Variants in MECOM observed in about 807,000 individuals in gnomAD.
MECOM encodes MDS1 and EVI1 complex locus, also known as histone-lysine N-methyltransferase MECOM.
MECOM carries 13 observed loss-of-function variants against 116.3 expected under a neutral mutation model. The observed-to-expected ratio is 0.11, with a 90% CI of 0.07 to 0.18. The LOEUF is 0.18. Ranked by LOEUF, MECOM falls within the 10% of genes least tolerant of loss-of-function variation. MECOM has a pLI of 1.00. For synonymous variants in MECOM, 528 were observed against 535.2 expected, an observed-to-expected ratio of 0.99 and a Z score of 0.19; for missense variants, 1,299 against 1,509.0, an observed-to-expected ratio of 0.86 and a Z score of 2.31.
chr3:169,117,751 G>A (rs1577014094), intron 7 of MECOM, among the ~76,000 whole-genome samples: 1 of 152,154 alleles, frequency 6.6e-6, no homozygotes, highest in African/African-American at 2.4e-5. Context: ...TCACACATGT[G>A]CCACTATAGC....
intron 2 of MECOM, among the ~76,000 whole-genome samples, chr3:169,184,767 A>T (rs1399161227): frequency 6.6e-6 from 1 of 152,156 alleles, no homozygotes; most frequent in East Asian, 1.9e-4. Context: ...CTCAGGTTTG[A>T]TGGTTAAAAA....
intron 1 of MECOM, among the ~76,000 whole-genome samples, chr3:169,658,892 G>T (rs1353265627): frequency 3.3e-5 from 5 of 152,094 alleles, no homozygotes; most frequent in African/African-American, 9.7e-5. Flanking sequence ...CGAGCCGGGC[G>T]TGCCGGGGGC....
At chr3:169,487,381 G>A (rs900310778) in intron 1 of MECOM, among the ~76,000 whole-genome samples, 12 of 151,918 alleles carry the variant, frequency 7.9e-5, no homozygotes, top group Non-Finnish European at 1.6e-4. Context: ...GTAAACTGGG[G>A]GCAGGGGAGG....
intron 1 of MECOM, among the ~76,000 whole-genome samples, chr3:169,391,739 A>T (rs1734226570): frequency 6.6e-6 from 1 of 152,208 alleles, no homozygotes; most frequent in Non-Finnish European, 1.5e-5. Context: ...TAGGTATTTA[A>T]GGGAATGATA....
intron 14 of MECOM, among the ~76,000 whole-genome samples, chr3:169,092,560 G>A (rs1045550137): frequency 2.6e-5 from 4 of 151,768 alleles, no homozygotes; most frequent in Non-Finnish European, 4.4e-5. Flanking sequence ...TCCCTGTGAC[G>A]GCTTTCTCTT....
intron 1 of MECOM, among the ~76,000 whole-genome samples, chr3:169,501,770 A>T (rs1230415955): frequency 6.6e-6 from 1 of 152,134 alleles, no homozygotes; most frequent in Non-Finnish European, 1.5e-5. Flanking sequence ...ATCCTCAAGT[A>T]GAGAATGAAT....
intron 2 of MECOM, among the ~76,000 whole-genome samples, chr3:169,337,470 C>T (rs1577762188): frequency 1.3e-5 from 2 of 152,130 alleles, no homozygotes; most frequent in Admixed American, 6.6e-5. Context: ...ATACCAACCT[C>T]CATCTTTTTA....
At chr3:169,510,244 C>T (rs1210795669) in intron 1 of MECOM, among the ~76,000 whole-genome samples, 3 of 152,168 alleles carry the variant, frequency 2.0e-5, no homozygotes, top group Non-Finnish European at 1.5e-5. Context: ...TGTGAAGGGT[C>T]GGGGGCAGGG....
chr3:169,196,680 T>G (rs1054544863), intron 2 of MECOM, among the ~76,000 whole-genome samples: 2 of 152,150 alleles, frequency 1.3e-5, no homozygotes, highest in African/African-American at 4.8e-5. Flanking sequence ...CTGGCAAGGT[T>G]GCAGAGAAAA....
intron 1 of MECOM, among the ~76,000 whole-genome samples, chr3:169,386,858 T>C (rs919900358): frequency 3.9e-5 from 6 of 152,190 alleles, no homozygotes; most frequent in African/African-American, 1.2e-4. Context: ...TTGTTTTTAA[T>C]AAAGAAAATT....
At chr3:169,454,057 C>T (rs1409484403) in intron 1 of MECOM, among the ~76,000 whole-genome samples, 1 of 152,070 alleles carries the variant, frequency 6.6e-6, no homozygotes, top group Non-Finnish European at 1.5e-5. Context: ...TCACCCATTT[C>T]GATTCTACAA....
At chr3:169,479,743 A>T (rs1751013331) in intron 1 of MECOM, among the ~76,000 whole-genome samples, 1 of 151,720 alleles carries the variant, frequency 6.6e-6, no homozygotes, top group Admixed American at 6.6e-5. Flanking sequence ...ACTAAAACTC[A>T]TGCCTAATGT....
At chr3:169,178,534 G>A (rs936139427) in intron 2 of MECOM, among the ~76,000 whole-genome samples, 5 of 152,148 alleles carry the variant, frequency 3.3e-5, no homozygotes, top group Admixed American at 1.3e-4. Context: ...TGTATAGCCA[G>A]CTAAGAAGAG....
chr3:169,560,163 A>T (rs1203648237), intron 1 of MECOM, among the ~76,000 whole-genome samples: 1 of 152,192 alleles, frequency 6.6e-6, no homozygotes, highest in South Asian at 2.1e-4. Context: ...AGTGTTTAAG[A>T]ATCAGTAAAA....
At chr3:169,099,239 A>G (rs558130918) in intron 12 of MECOM, among the ~76,000 whole-genome samples, 1 of 152,316 alleles carries the variant, frequency 6.6e-6, no homozygotes, top group East Asian at 1.9e-4. Context: ...TATTGGGTGG[A>G]ATAAAACCAT....
Position 169,329,256 on chromosome 3 carries a change from A to G in MECOM, c.375+51931T>C, listed in dbSNP as rs150392751. Reference sequence around the variant, plus strand: ...CAATGCTACATTCTAATGATTCAAAAAATAATTGAAGTCAGTCTATCAGGT... The same window carrying G: ...CAATGCTACATTCTAATGATTCAAAGAATAATTGAAGTCAGTCTATCAGGT... On this transcript the variant is annotated intron_variant, in intron 2 of 16. Coordinates refer to ENST00000651503, the MANE Select transcript of MECOM (RefSeq NM_004991.4). Among the ~76,000 whole-genome samples the G allele has an allele frequency of 1.2e-4, 19 of 152,342 alleles. No individual in the cohort carries two copies. The East Asian group carries it at 3.7e-3, about 29-fold the overall frequency.
intron 1 of MECOM, among the ~76,000 whole-genome samples, chr3:169,452,784 C>T (rs1745822507): frequency 6.6e-6 from 1 of 152,128 alleles, no homozygotes; most frequent in African/African-American, 2.4e-5. Flanking sequence ...TGGGTATCAT[C>T]CTTATTTTCA....
intron 1 of MECOM, among the ~76,000 whole-genome samples, chr3:169,555,351 A>G (rs1278183447): frequency 1.3e-5 from 2 of 152,150 alleles, no homozygotes; most frequent in Admixed American, 1.3e-4. Flanking sequence ...CACATAGAAA[A>G]ATGTGATAAT....
chr3:169,569,144 A>G (rs1390144797), intron 1 of MECOM, among the ~76,000 whole-genome samples: 1 of 152,120 alleles, frequency 6.6e-6, no homozygotes, highest in Admixed American at 6.5e-5. Flanking sequence ...GGGATGGAGG[A>G]ATATTTACCA....
Sources: gnomAD v4.1 joint callset for allele counts (sites outside exome capture counted in the v4.1 genomes callset) on GRCh38, gnomAD v4.1.1 for gene constraint, MANE v1.5 for transcripts, NCBI Gene and HGNC (gene_info 2026-07-23, HGNC 2026-07-21) for gene names.